The following NOL4 variants were observed in gnomAD, a reference collection of about 807,000 sequenced individuals.
NOL4 encodes cancer/testis antigen 125.
NOL4 carries 17 observed loss-of-function variants against 75.9 expected under a neutral mutation model. The observed-to-expected ratio is 0.22, with a 90% CI of 0.15 to 0.34. The LOEUF is 0.34. NOL4 is among the 10% of genes least tolerant of loss of function. NOL4 has a pLI of 1.00. For missense variants in NOL4, 614 were observed against 793.5 expected (o/e 0.77, Z 2.72); for synonymous variants, 292 against 289.9 (o/e 1.01, Z -0.07).
chr18:34,008,174 C>T (rs1401072537), intron 6 of NOL4, among the ~76,000 whole-genome samples: 1 of 151,968 alleles, frequency 6.6e-6, no homozygotes, highest in Non-Finnish European at 1.5e-5. Context: ...GATGTTGGCA[C>T]TCTTGGGTTT....
chr18:34,074,252 AT>A (rs1230486689), intron 5 of NOL4, among the ~76,000 whole-genome samples: 1 of 151,716 alleles, frequency 6.6e-6, no homozygotes, highest in African/African-American at 2.4e-5. Context: ...GAGATTGTAA[AT>A]TATTTATATG....
chr18:34,048,334 A>T (rs1424189350), intron 5 of NOL4: 2 of 525,494 alleles, frequency 3.8e-6, no homozygotes, highest in East Asian at 1.5e-4. Context: ...ATTGGCATTT[A>T]TCAGAGTCTA....
At chr18:33,897,667 A>G (rs1181765088) in intron 9 of NOL4, among the ~76,000 whole-genome samples, 4 of 152,074 alleles carry the variant, frequency 2.6e-5, no homozygotes, top group African/African-American at 9.7e-5. Context: ...ACTGGGCTTA[A>G]TATCTGAGTG....
intron 2 of NOL4, among the ~76,000 whole-genome samples, chr18:34,128,427 T>A (rs2080480280): frequency 6.6e-6 from 1 of 151,948 alleles, no homozygotes; most frequent in Non-Finnish European, 1.5e-5. Flanking sequence ...GATTACACAG[T>A]TAGTGATATT....
intron 9 of NOL4, among the ~76,000 whole-genome samples, chr18:33,895,092 A>T (rs969746037): frequency 3.7e-4 from 57 of 152,282 alleles, no homozygotes; most frequent in African/African-American, 1.4e-3. Context: ...TATACATTTT[A>T]AAATTATGGT....
At chr18:33,927,431 T>C (rs546808600) in intron 9 of NOL4, among the ~76,000 whole-genome samples, 54 of 152,286 alleles carry the variant, frequency 3.5e-4, no homozygotes, top group African/African-American at 1.2e-3. Context: ...TGAGAGGGTG[T>C]CCTCTTTCCT....
intron 1 of NOL4, among the ~76,000 whole-genome samples, chr18:34,183,259 A>T (rs975424733): frequency 1.4e-5 from 2 of 139,366 alleles, no homozygotes; most frequent in Non-Finnish European, 3.2e-5. Context: ...ACTTCACCAA[A>T]TAAAATATGT....
At position 34,136,672 on chromosome 18, in the gene NOL4, C is replaced by A. The variant is rs983249641; in HGVS notation, c.265-6652G>T. On this transcript the variant is annotated intron_variant, in intron 1 of 10. Coordinates refer to ENST00000261592, the MANE Select transcript of NOL4 (RefSeq NM_003787.5). The stretch of plus-strand genomic sequence containing the variant: ...ATACACTGAACATTATAAAACATTG[C>A]TGAAAATATTTAATATGAGCTAAAT... Among the ~76,000 whole-genome samples, 3 of 151,876 alleles carry A rather than the reference C, an allele frequency of 2.0e-5. 1 individual carries two copies. The highest frequency in any genetic ancestry group is 2.0e-4 in the Admixed American group (3 of 15,234).
At chr18:34,194,576 C>T (rs537205633) in intron 1 of NOL4, among the ~76,000 whole-genome samples, 1 of 152,140 alleles carries the variant, frequency 6.6e-6, no homozygotes, top group South Asian at 2.1e-4. Flanking sequence ...TGTACCATTA[C>T]CAGCATTTCA....
chr18:33,921,219 C>T (rs754915845), intron 9 of NOL4, among the ~76,000 whole-genome samples: 16 of 152,126 alleles, frequency 1.1e-4, no homozygotes, highest in Non-Finnish European at 1.9e-4. Flanking sequence ...CTTACTCACA[C>T]TGGATTGAGA....
chr18:34,120,479 G>A (rs1339459696), intron 2 of NOL4, among the ~76,000 whole-genome samples: 1 of 152,130 alleles, frequency 6.6e-6, no homozygotes, highest in Non-Finnish European at 1.5e-5. Context: ...CTAAAGCAGA[G>A]GAATGCACTC....
chr18:34,022,373 A>G (rs2075095959), intron 5 of NOL4, among the ~76,000 whole-genome samples: 1 of 152,036 alleles, frequency 6.6e-6, no homozygotes, highest in African/African-American at 2.4e-5. Context: ...GGCCATAAAT[A>G]ATATGACATT....
Position 33,940,558 on chromosome 18 carries a change from G to A in NOL4, c.1542+2507C>T, listed in dbSNP as rs772130484. Reference sequence around the variant, plus strand: ...CACCGGGGCCTGTCGGGGAGTAGGAGGCTAGGGGAGGGATAGCATCAGGAG... The same window carrying A: ...CACCGGGGCCTGTCGGGGAGTAGGAAGCTAGGGGAGGGATAGCATCAGGAG... On this transcript the variant is annotated intron_variant, in intron 9 of 10. Transcript: ENST00000261592. Among the ~76,000 whole-genome samples the A allele has an allele frequency of 1.2e-3, 178 of 151,936 alleles. 3 individuals carry two copies. Among genetic ancestry groups the A allele is most frequent in the Non-Finnish European group, 4.4e-4 (30 of 67,988 alleles).
intron 5 of NOL4, among the ~76,000 whole-genome samples, chr18:34,046,607 CATATATATAT>C (rs35281852): frequency 0.08 from 6,507 of 81,736 alleles, 519 homozygotes; most frequent in Middle Eastern, 0.16. Context: ...TTTACTTATA[CATATATATAT>C]ATATATATAT....
At chr18:33,970,050 A>G (rs1215126923) in intron 6 of NOL4, among the ~76,000 whole-genome samples, 2 of 152,182 alleles carry the variant, frequency 1.3e-5, no homozygotes, top group Non-Finnish European at 2.9e-5. Flanking sequence ...GTAGGTCTAC[A>G]GTGGGGTCCA....
At chr18:34,194,422 G>A (rs866274833) in intron 1 of NOL4, among the ~76,000 whole-genome samples, 1,010 of 84,936 alleles carry the variant, frequency 0.012, no homozygotes, top group Middle Eastern at 0.029. Context: ...GAAGGAGGGA[G>A]GGAGGGAAGG....
At chr18:34,183,811 G>C (rs547605623) in intron 1 of NOL4, among the ~76,000 whole-genome samples, 1 of 151,944 alleles carries the variant, frequency 6.6e-6, no homozygotes, top group South Asian at 2.1e-4. Flanking sequence ...TAGAGGAGCT[G>C]TCTACAAAAA....
At chr18:33,987,268 T>C (rs1220090959) in intron 6 of NOL4, among the ~76,000 whole-genome samples, 1 of 152,090 alleles carries the variant, frequency 6.6e-6, no homozygotes, top group Non-Finnish European at 1.5e-5. Context: ...ACCGTGATCA[T>C]GATCGGAGCT....
At chr18:34,217,276 C>CT (rs202107133) in intron 1 of NOL4, among the ~76,000 whole-genome samples, 2,731 of 151,138 alleles carry the variant, frequency 0.018, 76 homozygotes, top group African/African-American at 0.063. Context: ...GTATTTCTTT[C>CT]TTTTTTTTTA....
Sources: allele counts gnomAD v4.1 joint callset (sites outside exome capture counted in the v4.1 genomes callset), GRCh38; gene constraint gnomAD v4.1.1; transcripts MANE v1.5; gene names NCBI Gene and HGNC (gene_info 2026-07-23, HGNC 2026-07-21).